Variants in ASIC2 observed in about 807,000 individuals in gnomAD.
The protein encoded by ASIC2 is acid sensing ion channel subunit 2, also known as acid-sensing ion channel 2.
ASIC2 carries 25 observed loss-of-function variants against 57.3 expected under a neutral mutation model. The observed-to-expected ratio is 0.44, with a 90% CI of 0.32 to 0.61. The LOEUF (loss-of-function observed/expected upper bound fraction) is 0.61. Ranked by LOEUF, ASIC2 falls within the 20% of genes least tolerant of loss-of-function variation. The probability of loss-of-function intolerance (pLI) is 0.06; values close to 1 mark genes in which losing one functional copy is unlikely to be tolerated. For missense variants in ASIC2, 641 were observed against 738.1 expected (o/e 0.87, Z 1.52); for synonymous variants, 319 against 307.5 (o/e 1.04, Z -0.39).
chr17:33,252,824 G>A (rs1908932061), intron 1 of ASIC2, among the ~76,000 whole-genome samples: 1 of 151,962 alleles, frequency 6.6e-6, no homozygotes. Context: ...TTGGGCTATG[G>A]CCACATCTCT....
rs190063701 is a variant in ASIC2, at chr17:33,781,167, C to T, written c.555+374811G>A. Among the ~76,000 whole-genome samples, 50 of 152,140 alleles carry T rather than the reference C, an allele frequency of 3.3e-4. 1 individual carries two copies. Among genetic ancestry groups the T allele is most frequent in the African/African-American group, 1.0e-3 (43 of 41,414 alleles). ...TCCCAGCCCTGCTTCCCAAAGTGCC[C>T]GCGTTTAATGTTTGCTAACAGCCAC... On this transcript the variant is annotated intron_variant, in intron 1 of 9. Transcript: ENST00000359872.
At chr17:33,804,854 T>C (rs1912226311) in intron 1 of ASIC2, among the ~76,000 whole-genome samples, 1 of 152,112 alleles carries the variant, frequency 6.6e-6, no homozygotes, top group Non-Finnish European at 1.5e-5. Context: ...ATACTTCCTC[T>C]CAGAAATAAT....
rs118151229 is a variant in ASIC2 at position 33,281,712 on chromosome 17, G to A, written c.708+9696C>T. 1.3e-3 allele frequency among the ~76,000 whole-genome samples: 194 copies of A among 152,334 alleles called. 3 individuals are homozygous for A. The East Asian group carries it at 0.027, about 21-fold the overall frequency. ...AAGGAATGCATTGGTGCGAGGCAGGGTGTGTCTTAGGAAGTCCAGTCCACC... is the reference window on the plus strand; with the variant it reads ...AAGGAATGCATTGGTGCGAGGCAGGATGTGTCTTAGGAAGTCCAGTCCACC... On this transcript the variant is annotated intron_variant, in intron 1 of 9. Transcript: ENST00000225823.
intron 1 of ASIC2, among the ~76,000 whole-genome samples, chr17:33,856,785 C>T (rs986631972): frequency 5.9e-5 from 9 of 151,980 alleles, no homozygotes; most frequent in African/African-American, 1.2e-4. Context: ...CCTGAGAGAC[C>T]GCGACAGGTA....
intron 1 of ASIC2, among the ~76,000 whole-genome samples, chr17:33,885,058 C>A (rs918931919): frequency 2.0e-5 from 3 of 152,128 alleles, no homozygotes; most frequent in Non-Finnish European, 4.4e-5. Flanking sequence ...TGCCCTTGCC[C>A]CCTACTTACC....
At chr17:33,727,204 A>G (rs1909588201) in intron 1 of ASIC2, among the ~76,000 whole-genome samples, 1 of 152,206 alleles carries the variant, frequency 6.6e-6, no homozygotes, top group Non-Finnish European at 1.5e-5. Context: ...ATAGCTAAAA[A>G]AAGAAGAAAT....
intron 1 of ASIC2, among the ~76,000 whole-genome samples, chr17:33,391,191 A>C (rs986343743): frequency 1.3e-5 from 2 of 152,212 alleles, no homozygotes; most frequent in Non-Finnish European, 2.9e-5. Flanking sequence ...AATACATAGA[A>C]GGGGTGTATG....
At chr17:33,619,597 T>C (rs1905716164) in intron 1 of ASIC2, among the ~76,000 whole-genome samples, 1 of 152,190 alleles carries the variant, frequency 6.6e-6, no homozygotes, top group Admixed American at 6.5e-5. Flanking sequence ...CTTACATTTA[T>C]AAAAACAAGA....
At chr17:33,669,105 C>T (rs1367978452) in intron 1 of ASIC2, among the ~76,000 whole-genome samples, 1 of 152,174 alleles carries the variant, frequency 6.6e-6, no homozygotes, top group Non-Finnish European at 1.5e-5. Flanking sequence ...TGATCTATTT[C>T]TTTTGCACTT....
At chr17:33,337,950 T>C (rs557059984) in intron 1 of ASIC2, among the ~76,000 whole-genome samples, 1 of 150,576 alleles carries the variant, frequency 6.6e-6, no homozygotes, top group South Asian at 2.1e-4. Context: ...TGAGGTGTTC[T>C]GGAAGGGCAA....
At chr17:33,810,510 A>G (rs1219965714) in intron 1 of ASIC2, among the ~76,000 whole-genome samples, 1 of 152,152 alleles carries the variant, frequency 6.6e-6, no homozygotes, top group Non-Finnish European at 1.5e-5. Flanking sequence ...TCTGGATGCA[A>G]TGCTGCTTTA....
intron 1 of ASIC2, among the ~76,000 whole-genome samples, chr17:33,656,368 A>C (rs1305808219): frequency 6.6e-6 from 1 of 152,200 alleles, no homozygotes; most frequent in African/African-American, 2.4e-5. Context: ...CTCAATTCTT[A>C]CATTAAAGCA....
chr17:33,328,525 C>T (rs1478030284), intron 1 of ASIC2, among the ~76,000 whole-genome samples: 7 of 152,128 alleles, frequency 4.6e-5, no homozygotes, highest in Non-Finnish European at 8.8e-5. Flanking sequence ...CATCCCCCAT[C>T]ACCTGTAATC....
At chr17:33,531,696 G>A (rs1316660650) in intron 1 of ASIC2, among the ~76,000 whole-genome samples, 4 of 152,142 alleles carry the variant, frequency 2.6e-5, no homozygotes, top group African/African-American at 9.7e-5. Flanking sequence ...TTATCCCACT[G>A]CCAAGGAGAG....
rs2092163312 is a variant in ASIC2 at position 33,092,920 on chromosome 17, T to C, written c.860-3930A>G. Among the ~76,000 whole-genome samples the C allele has an allele frequency of 1.3e-5, 2 of 152,344 alleles. 1 individual carries two copies. The highest frequency in any genetic ancestry group is 6.8e-3 in the Middle Eastern group (2 of 294). On this transcript the variant is annotated intron_variant, in intron 2 of 9. Transcript: ENST00000225823. ...TGAGTGAGGAAGTATCCCTTGCTTA[T>C]GTCTGCTGTTCCCTGCTGTATCTGG...
chr17:33,704,158 T>C (rs761349152), intron 1 of ASIC2, among the ~76,000 whole-genome samples: 4 of 152,174 alleles, frequency 2.6e-5, no homozygotes, highest in Non-Finnish European at 4.4e-5. Flanking sequence ...ACAATAAGCC[T>C]CAGCATTAGC....
chr17:33,711,413 G>A (rs1306269176), intron 1 of ASIC2, among the ~76,000 whole-genome samples: 1 of 152,180 alleles, frequency 6.6e-6, no homozygotes, highest in Non-Finnish European at 1.5e-5. Context: ...GAGTCAAGGA[G>A]CCTCATCCTC....
chr17:33,650,953 G>A (rs1906900153), intron 1 of ASIC2, among the ~76,000 whole-genome samples: 1 of 152,158 alleles, frequency 6.6e-6, no homozygotes, highest in South Asian at 2.1e-4. Flanking sequence ...TTGTACTATA[G>A]TTTTGCAAGA....
At chr17:34,127,064 G>T (rs1911805556) in intron 1 of ASIC2, among the ~76,000 whole-genome samples, 1 of 152,182 alleles carries the variant, frequency 6.6e-6, no homozygotes, top group Non-Finnish European at 1.5e-5. Context: ...CTGCCTGTAG[G>T]CTCCCAGTAA....
Sources: allele counts gnomAD v4.1 joint callset (sites outside exome capture counted in the v4.1 genomes callset), GRCh38; gene constraint gnomAD v4.1.1; transcripts MANE v1.5; gene names NCBI Gene and HGNC (gene_info 2026-07-23, HGNC 2026-07-21).